Variants in CACNB2 observed in about 807,000 individuals in gnomAD.
CACNB2 encodes voltage-dependent L-type calcium channel subunit beta-2.
In CACNB2, 42 loss-of-function variants were observed where a neutral mutation model predicts 73.3. The observed-to-expected ratio is 0.57, with a 90% CI of 0.45 to 0.74. The LOEUF (loss-of-function observed/expected upper bound fraction) is 0.74, where lower values mean the gene tolerates loss of function less well. CACNB2 is among the 30% of genes least tolerant of loss of function. The pLI is 0.00. For synonymous variants in CACNB2, 348 were observed against 310.3 expected (o/e 1.12, Z -1.28); for missense variants, 940 against 853.0 (o/e 1.10, Z -1.27).
At chr10:18,455,694 C>A (rs1398896393) in intron 3 of CACNB2, among the ~76,000 whole-genome samples, 1 of 152,158 alleles carries the variant, frequency 6.6e-6, no homozygotes. Context: ...CACTAAGGTT[C>A]CTTAAGTGTT....
At position 18,294,102 on chromosome 10, in the gene CACNB2, G is replaced by C. The variant is rs927045615; in HGVS notation, c.214-107822G>C. ...CTTTAACCACATAGTAAACTTCCCA[G>C]TGGTGACAGAAGATCATGTAACTCT... On this transcript the variant is annotated intron_variant, in intron 2 of 13. Transcript: ENST00000324631. Among the ~76,000 whole-genome samples, 3 of 152,202 alleles carry C rather than the reference G, an allele frequency of 2.0e-5. No individual in the cohort carries two copies. In the East Asian group the frequency reaches 5.8e-4, roughly 29 times the overall value.
chr10:18,319,385 G>A (rs1233968399), intron 2 of CACNB2, among the ~76,000 whole-genome samples: 1 of 152,072 alleles, frequency 6.6e-6, no homozygotes, highest in African/African-American at 2.4e-5. Flanking sequence ...CTCATAAGTG[G>A]GAGTTGAAAA....
chr10:18,523,849 T>C (rs1215349636), intron 9 of CACNB2, among the ~76,000 whole-genome samples: 1 of 152,200 alleles, frequency 6.6e-6, no homozygotes, highest in Non-Finnish European at 1.5e-5. Context: ...TTTAAAAACG[T>C]TTAAGCCCAA....
chr10:18,180,451 C>CA (rs558201551), intron 2 of CACNB2, among the ~76,000 whole-genome samples: 8 of 145,344 alleles, frequency 5.5e-5, no homozygotes, highest in Non-Finnish European at 7.6e-5. Context: ...GTAAGGCTGC[C>CA]TTTTTTTTTT....
At chr10:18,443,348 C>T (rs929350241) in intron 3 of CACNB2, among the ~76,000 whole-genome samples, 1 of 151,904 alleles carries the variant, frequency 6.6e-6, no homozygotes, top group African/African-American at 2.4e-5. Flanking sequence ...ACCGGAGGCA[C>T]GTTTTCAGGT....
intron 3 of CACNB2, among the ~76,000 whole-genome samples, chr10:18,431,000 C>T (rs1207828659): frequency 2.0e-5 from 3 of 152,108 alleles, no homozygotes; most frequent in Admixed American, 1.3e-4. Flanking sequence ...AATCTGGAGA[C>T]AGGATCTCAC....
chr10:18,307,983 C>CTTTTTTTTTTTTTT lies in CACNB2; in HGVS notation c.214-93927_214-93914dup, dbSNP rs869311555. ...TTAAGTCTAAAATAATATATGCCAA[C>CTTTTTTTTTTTTTT]TTTTTTTTTTTTTTTTTTTTTTTTT... On this transcript the variant is annotated intron_variant, in intron 2 of 13. Coordinates refer to ENST00000324631, the MANE Select transcript of CACNB2 (RefSeq NM_201596.3). Among the ~76,000 whole-genome samples the CTTTTTTTTTTTTTT allele has an allele frequency of 7.8e-3, 551 of 70,220 alleles. 132 individuals carry two copies. The highest frequency in any genetic ancestry group is 0.011 in the Non-Finnish European group (406 of 36,694). 46.1% of individuals were successfully genotyped at this position (70,220 alleles called of 152,430 possible). A position where few individuals can be genotyped will look rare whatever the true frequency, so the allele number is the denominator to read the frequency against.
At chr10:18,315,962 A>G (rs1489264609) in intron 2 of CACNB2, among the ~76,000 whole-genome samples, 3 of 152,108 alleles carry the variant, frequency 2.0e-5, no homozygotes, top group Non-Finnish European at 1.5e-5. Context: ...ATCATTAGGA[A>G]GTTATGAGTT....
In CACNB2 at chr10:18,528,091, CATG is replaced by C. The variant is rs570357366; in HGVS notation, c.1054+397_1054+399del. Among the ~76,000 whole-genome samples the C allele has an allele frequency of 4.6e-3, 695 of 152,272 alleles. 3 individuals carry two copies. The highest frequency in any genetic ancestry group is 0.014 in the African/African-American group (589 of 41,574). On this transcript the variant is annotated intron_variant, in intron 10 of 13. Transcript: ENST00000324631. ...TCATAGAATCATTGCAAGGATTAAA[CATG>C]ATATGTGCTCAATAAATGATATCCA...
At chr10:18,511,077 C>A (rs1321028142) in intron 6 of CACNB2, among the ~76,000 whole-genome samples, 1 of 152,186 alleles carries the variant, frequency 6.6e-6, no homozygotes, top group African/African-American at 2.4e-5. Flanking sequence ...AAAGTCAGCA[C>A]TGGATAAAGC....
At chr10:18,511,917 T>C (rs780254196) in intron 6 of CACNB2, among the ~76,000 whole-genome samples, 15 of 152,190 alleles carry the variant, frequency 9.9e-5, no homozygotes, top group Non-Finnish European at 1.6e-4. Context: ...GAATCCTGAC[T>C]GCCAAGTTTT....
chr10:18,486,931 A>C (rs1292910358), intron 3 of CACNB2, among the ~76,000 whole-genome samples: 1 of 152,178 alleles, frequency 6.6e-6, no homozygotes, highest in East Asian at 1.9e-4. Context: ...CGGAGGTTTA[A>C]TAGGTGAAAG....
intron 3 of CACNB2, among the ~76,000 whole-genome samples, chr10:18,431,679 C>T (rs571049946): frequency 1.6e-4 from 25 of 152,240 alleles, no homozygotes; most frequent in African/African-American, 5.5e-4. Context: ...TTACAGTCCA[C>T]TCATTTGATA....
At chr10:18,257,933 G>A (rs544143313) in intron 2 of CACNB2, among the ~76,000 whole-genome samples, 2 of 152,186 alleles carry the variant, frequency 1.3e-5, no homozygotes, top group East Asian at 1.9e-4. Context: ...TAGTAGAGAC[G>A]AGGTTTCGTC....
At chr10:18,315,514 A>AC (rs1283233953) in intron 2 of CACNB2, among the ~76,000 whole-genome samples, 16 of 132,312 alleles carry the variant, frequency 1.2e-4, no homozygotes, top group African/African-American at 1.7e-4. Context: ...AAAAAAAAAA[A>AC]AAAAAAAAAA....
intron 3 of CACNB2, among the ~76,000 whole-genome samples, chr10:18,409,318 A>T (rs1004534928): frequency 3.2e-4 from 48 of 149,896 alleles, no homozygotes; most frequent in African/African-American, 1.1e-3. Flanking sequence ...AAAAAAAAAA[A>T]GTAGAGACAA....
chr10:18,522,349 C>T (rs2051979136), intron 9 of CACNB2, among the ~76,000 whole-genome samples: 1 of 152,270 alleles, frequency 6.6e-6, no homozygotes, highest in Non-Finnish European at 1.5e-5. Context: ...CCCACTCCTA[C>T]CAAACCGGTC....
At chr10:18,516,243 T>G (rs1002499419) in intron 7 of CACNB2, among the ~76,000 whole-genome samples, 3 of 151,614 alleles carry the variant, frequency 2.0e-5, no homozygotes, top group Admixed American at 2.0e-4. Context: ...AAAATCAAGC[T>G]AAATGGGGTT....
At chr10:18,420,517 A>G (rs115955705) in intron 3 of CACNB2, among the ~76,000 whole-genome samples, 1,671 of 152,268 alleles carry the variant, frequency 0.011, 22 homozygotes, top group African/African-American at 0.039. Context: ...ACAAGCAGGC[A>G]GGCAGAAAGA....
Sources: gnomAD v4.1 joint callset for allele counts (sites outside exome capture counted in the v4.1 genomes callset) on GRCh38, gnomAD v4.1.1 for gene constraint, MANE v1.5 for transcripts, NCBI Gene and HGNC (gene_info 2026-07-23, HGNC 2026-07-21) for gene names.